Variants in PLEKHA7 observed in about 807,000 individuals in gnomAD.
PLEKHA7 encodes the protein pleckstrin homology domain-containing family A member 7.
In PLEKHA7, 104 loss-of-function variants were observed where a neutral mutation model predicts 170.0. That is an observed-to-expected ratio of 0.61 (90% CI 0.52 to 0.72). The LOEUF (loss-of-function observed/expected upper bound fraction) is 0.72, where lower values mean the gene tolerates loss of function less well. PLEKHA7 is among the 30% of genes least tolerant of loss of function. The pLI, the probability that PLEKHA7 is intolerant of heterozygous loss-of-function variation, is 0.00. For synonymous variants in PLEKHA7, 648 were observed against 660.8 expected (o/e 0.98, Z 0.30); for missense variants, 1,615 against 1,671.7 (o/e 0.97, Z 0.59).
At chr11:16,897,880 G>A (rs1425675444) in intron 3 of PLEKHA7, among the ~76,000 whole-genome samples, 1 of 152,134 alleles carries the variant, frequency 6.6e-6, no homozygotes, top group East Asian at 1.9e-4. Flanking sequence ...AGGGGACAAG[G>A]AAAATGACAA....
At chr11:16,997,058 A>G (rs1864385582) in intron 3 of PLEKHA7, among the ~76,000 whole-genome samples, 2 of 152,164 alleles carry the variant, frequency 1.3e-5, no homozygotes, top group Admixed American at 1.3e-4. Context: ...CTCACACAGC[A>G]TGGACTGATT....
chr11:17,009,344 C>G (rs914496283), intron 3 of PLEKHA7, among the ~76,000 whole-genome samples: 1 of 152,184 alleles, frequency 6.6e-6, no homozygotes, highest in African/African-American at 2.4e-5. Flanking sequence ...AAAAAACCAT[C>G]TGCTATAGGA....
intron 3 of PLEKHA7, among the ~76,000 whole-genome samples, chr11:16,914,231 G>A (rs1858469120): frequency 6.6e-6 from 1 of 152,100 alleles, no homozygotes; most frequent in African/African-American, 2.4e-5. Flanking sequence ...CTTAGAAGTA[G>A]ACATTTTTTT....
At chr11:16,807,136 C>G in intron 13 of PLEKHA7, 1 of 981,088 alleles carries the variant, frequency 1.0e-6, no homozygotes, top group East Asian at 1.1e-4. Flanking sequence ...CGGATCAGAT[C>G]ATCTTACGCT....
rs146858658 is a variant in PLEKHA7, at chr11:16,792,758, G to A, written c.2746-1559C>T. On this transcript the variant is annotated intron_variant, in intron 19 of 26. Transcript: ENST00000531066. Reference sequence around the variant, plus strand: ...TGTCATTTTCAGGATGGATATTATTGTTTCACAAATATAAATGGGTTTTAT... The same window carrying A: ...TGTCATTTTCAGGATGGATATTATTATTTCACAAATATAAATGGGTTTTAT... 5.8e-3 allele frequency among the ~76,000 whole-genome samples: 879 copies of A among 152,218 alleles called. 13 individuals are homozygous for A. The highest frequency in any genetic ancestry group is 0.019 in the African/African-American group (785 of 41,518).
intron 3 of PLEKHA7, among the ~76,000 whole-genome samples, chr11:16,944,511 CAA>C (rs1425866287): frequency 1.3e-4 from 8 of 62,028 alleles, no homozygotes; most frequent in Admixed American, 3.6e-4. Context: ...AACCCTGTCT[CAA>C]AAAAAAAAAA....
chr11:16,991,026 T>C (rs1864012723), intron 3 of PLEKHA7, among the ~76,000 whole-genome samples: 2 of 152,190 alleles, frequency 1.3e-5, no homozygotes, highest in African/African-American at 4.8e-5. Context: ...TTTCAGATAA[T>C]TCCCCAGAAG....
chr11:16,825,206 G>C (rs753452024), intron 10 of PLEKHA7, among the ~76,000 whole-genome samples: 10 of 152,214 alleles, frequency 6.6e-5, no homozygotes, highest in Non-Finnish European at 1.3e-4. Flanking sequence ...TTGAAAACAG[G>C]ACTAGGCTAT....
intron 26 of PLEKHA7, chr11:16,781,149 C>G: frequency 2.7e-6 from 1 of 371,042 alleles, no homozygotes; most frequent in Non-Finnish European, 3.7e-6. Context: ...TGGCATGGGC[C>G]CTGCTGCCCA....
chr11:16,780,494 C>T (rs1326873136), intron 26 of PLEKHA7, among the ~76,000 whole-genome samples: 1 of 152,220 alleles, frequency 6.6e-6, no homozygotes, highest in Non-Finnish European at 1.5e-5. Flanking sequence ...CACTGGGCCT[C>T]AGTTTCCTCA....
chr11:16,845,027 C>A (rs949875325), intron 8 of PLEKHA7, among the ~76,000 whole-genome samples: 3 of 152,214 alleles, frequency 2.0e-5, no homozygotes, highest in Non-Finnish European at 4.4e-5. Flanking sequence ...TAAGTGTCAT[C>A]AAGAAGGTCA....
intron 9 of PLEKHA7, among the ~76,000 whole-genome samples, chr11:16,829,364 TG>T (rs900727576): frequency 1.3e-5 from 2 of 152,098 alleles, no homozygotes; most frequent in Non-Finnish European, 2.9e-5. Context: ...CTACTTATAC[TG>T]AAAGGGGTCC....
chr11:17,001,981 A>G (rs182488265), intron 3 of PLEKHA7, among the ~76,000 whole-genome samples: 69 of 152,374 alleles, frequency 4.5e-4, no homozygotes, highest in African/African-American at 1.6e-3. Flanking sequence ...CCTGGCTCTA[A>G]GCAGGCTTAA....
intron 9 of PLEKHA7, among the ~76,000 whole-genome samples, chr11:16,831,882 T>A (rs1851143935): frequency 6.6e-6 from 1 of 152,202 alleles, no homozygotes. Flanking sequence ...TATTCCCTCC[T>A]CCCTTGCCCC....
intron 3 of PLEKHA7, among the ~76,000 whole-genome samples, chr11:16,954,542 A>C (rs536406960): frequency 6.6e-6 from 1 of 152,202 alleles, no homozygotes; most frequent in Non-Finnish European, 1.5e-5. Context: ...TTTAAAAAAA[A>C]AAAAACAAAA....
At chr11:16,915,829 G>C (rs1490760278) in intron 3 of PLEKHA7, among the ~76,000 whole-genome samples, 3 of 149,522 alleles carry the variant, frequency 2.0e-5, no homozygotes, top group East Asian at 3.9e-4. Context: ...ACATACGTGT[G>C]CATGTGTCTT....
intron 3 of PLEKHA7, among the ~76,000 whole-genome samples, chr11:16,959,959 A>G (rs1861945168): frequency 6.6e-6 from 1 of 152,110 alleles, no homozygotes; most frequent in Admixed American, 6.5e-5. Flanking sequence ...TGTCAGAGCT[A>G]AAACCTACTG....
At chr11:16,973,565 C>A (rs990303612) in intron 3 of PLEKHA7, among the ~76,000 whole-genome samples, 4 of 152,190 alleles carry the variant, frequency 2.6e-5, no homozygotes, top group African/African-American at 9.7e-5. Flanking sequence ...ACCCTCGCTG[C>A]ACATTAAAAT....
chr11:16,835,257 C>T (rs188829360), intron 9 of PLEKHA7, among the ~76,000 whole-genome samples: 2 of 151,878 alleles, frequency 1.3e-5, no homozygotes, highest in Admixed American at 6.6e-5. Context: ...GGTGACAGAG[C>T]GAGATTTTGT....
Sources: gnomAD v4.1 joint callset for allele counts (sites outside exome capture counted in the v4.1 genomes callset) on GRCh38, gnomAD v4.1.1 for gene constraint, MANE v1.5 for transcripts, NCBI Gene and HGNC (gene_info 2026-07-23, HGNC 2026-07-21) for gene names.